The following RAB27B variants were observed in gnomAD, a reference collection of about 807,000 sequenced individuals.
RAB27B encodes the protein ras-related protein Rab-27B.
Under a neutral mutation model 24.6 loss-of-function variants are expected in RAB27B, and 15 were observed. The ratio of observed to expected loss-of-function variants is 0.61; its 90% CI spans 0.41 to 0.94. The LOEUF is 0.94. Ranked by LOEUF, RAB27B falls within the 40% of genes least tolerant of loss-of-function variation. The probability of loss-of-function intolerance (pLI) is 0.00; values close to 1 mark genes in which losing one functional copy is unlikely to be tolerated. For missense variants in RAB27B, 261 were observed against 266.8 expected (o/e 0.98, Z 0.15); for synonymous variants, 105 against 92.5 (o/e 1.14, Z -0.78).
At position 54,895,185 on chromosome 18, in the gene RAB27B, A is replaced by G. The variant is rs1913521549; in HGVS notation, c.*5772A>G. 1 of 152,118 alleles carries G rather than the reference A, an allele frequency of 6.6e-6. No homozygotes were observed. The highest frequency in any genetic ancestry group is 6.6e-5 in the Admixed American group (1 of 15,248). 9.4% of individuals were successfully genotyped at this position (152,118 alleles called of 1,614,324 possible). ...CACTGAAGTGCTTCATTGTATCCCA[A>G]CAGTTTACCTTCAAGTAATATTATC... On this transcript the variant is annotated 3_prime_UTR_variant, in exon 6 of 6. Transcript: ENST00000262094.
At chr18:54,746,322 G>C (rs1461556861) in intron 2 of RAB27B, among the ~76,000 whole-genome samples, 1 of 152,122 alleles carries the variant, frequency 6.6e-6, no homozygotes, top group Non-Finnish European at 1.5e-5. Context: ...GTTGACTTTG[G>C]TTTCTGGACG....
Position 54,892,736 on chromosome 18 carries a change from C to T in RAB27B, c.*3323C>T, listed in dbSNP as rs1046820699. The T allele has an allele frequency of 6.6e-5, 10 of 152,024 alleles. No individual in the cohort carries two copies. Among genetic ancestry groups the T allele is most frequent in the African/African-American group, 2.2e-4 (9 of 41,408 alleles). 9.4% of individuals were successfully genotyped at this position (152,024 alleles called of 1,614,324 possible). On this transcript the variant is annotated 3_prime_UTR_variant, in exon 6 of 6. Coordinates refer to ENST00000262094, the MANE Select transcript of RAB27B (RefSeq NM_004163.4). ...CAATTTGCTATCATTTTCGTATTAT[C>T]AGCTATCGCCCTGTAAAATATTCAA...
At position 54,805,822 on chromosome 18, in the gene RAB27B, A is replaced by T. The variant is rs892952329; in HGVS notation, c.-19-71745A>T. 2.0e-5 allele frequency among the ~76,000 whole-genome samples: 3 copies of T among 152,362 alleles called. No individual in the cohort carries two copies. The South Asian group carries it at 6.2e-4, about 32-fold the overall frequency. ...ATCAGGTTTCAGAAGATTGGATCTT[A>T]TATAGAGTAATAAAAATGCCTCAGA... On this transcript the variant is annotated intron_variant, in intron 2 of 4. Transcript: ENST00000586570.
Position 54,842,773 on chromosome 18 carries a change from T to C in RAB27B, c.-20+14073T>C, listed in dbSNP as rs370917208. On this transcript the variant is annotated intron_variant, in intron 1 of 5. Transcript: ENST00000262094. ...TCCACTAGTTTCAGACAAAAGTATTTGTTGCAAGTTTCTTGAATTTATGCA... is the reference window on the plus strand; with the variant it reads ...TCCACTAGTTTCAGACAAAAGTATTCGTTGCAAGTTTCTTGAATTTATGCA... 1.4e-4 allele frequency among the ~76,000 whole-genome samples: 21 copies of C among 152,302 alleles called. No individual in the cohort carries two copies. The East Asian group carries it at 4.0e-3, about 29-fold the overall frequency.
At chr18:54,804,800 T>C (rs1249534706) in intron 2 of RAB27B, among the ~76,000 whole-genome samples, 1 of 152,022 alleles carries the variant, frequency 6.6e-6, no homozygotes, top group African/African-American at 2.4e-5. Flanking sequence ...AGTTTCTTTC[T>C]GCTGTGGTCA....
intron 2 of RAB27B, among the ~76,000 whole-genome samples, chr18:54,766,698 G>A (rs771246226): frequency 6.6e-6 from 1 of 152,128 alleles, no homozygotes; most frequent in African/African-American, 2.4e-5. Context: ...AATCTATGGT[G>A]AGGAACTCCT....
At chr18:54,774,416 C>A (rs1409360629) in intron 2 of RAB27B, among the ~76,000 whole-genome samples, 1 of 152,120 alleles carries the variant, frequency 6.6e-6, no homozygotes, top group Non-Finnish European at 1.5e-5. Context: ...AAAACAGAAG[C>A]TCATAGAGAT....
chr18:54,755,727 A>G (rs1008246516), intron 2 of RAB27B, among the ~76,000 whole-genome samples: 7 of 152,250 alleles, frequency 4.6e-5, no homozygotes, highest in Non-Finnish European at 8.8e-5. Flanking sequence ...ATTAACATTT[A>G]GTTTGAATTC....
chr18:54,729,766 A>G (rs548945613), intron 2 of RAB27B, among the ~76,000 whole-genome samples: 3 of 152,322 alleles, frequency 2.0e-5, no homozygotes, highest in East Asian at 1.9e-4. Flanking sequence ...AGAACATGAT[A>G]CTATAAGTGA....
chr18:54,877,773 C>A, intron 2 of RAB27B, 35 bp downstream of exon 2: 1 of 1,533,818 alleles, frequency 6.5e-7, no homozygotes, highest in Non-Finnish European at 8.7e-7. Flanking sequence ...CCTTGTCACT[C>A]ATCCCCCTAT....
chr18:54,848,395 A>G (rs1911423165), intron 1 of RAB27B, among the ~76,000 whole-genome samples: 1 of 152,192 alleles, frequency 6.6e-6, no homozygotes, highest in Admixed American at 6.5e-5. Flanking sequence ...ATTAAATAGG[A>G]AAAATCATGG....
chr18:54,824,515 A>G (rs1910411199), upstream of RAB27B, among the ~76,000 whole-genome samples: 1 of 152,152 alleles, frequency 6.6e-6, no homozygotes, highest in South Asian at 2.1e-4. Context: ...AGGGGCTTTC[A>G]TGTCTTCTAG....
intron 1 of RAB27B, among the ~76,000 whole-genome samples, chr18:54,856,318 TCAAGGAATATAA>T (rs1173782619): frequency 1.3e-5 from 2 of 152,156 alleles, no homozygotes; most frequent in African/African-American, 2.4e-5. Flanking sequence ...CTTGGTTCCT[TCAAGGAATATAA>T]CAAAGAGGGC....
At chr18:54,805,530 C>T (rs1052563267) in intron 2 of RAB27B, among the ~76,000 whole-genome samples, 2 of 152,126 alleles carry the variant, frequency 1.3e-5, no homozygotes, top group Admixed American at 6.6e-5. Context: ...GTAATTTTCT[C>T]TATATACTTA....
chr18:54,845,182 G>A (rs1316973708), intron 1 of RAB27B, among the ~76,000 whole-genome samples: 2 of 152,050 alleles, frequency 1.3e-5, no homozygotes, highest in African/African-American at 4.8e-5. Flanking sequence ...CGAGGTGGGA[G>A]GATCATCTGA....
chr18:54,834,035 C>G (rs1450883245), intron 1 of RAB27B, among the ~76,000 whole-genome samples: 1 of 152,168 alleles, frequency 6.6e-6, no homozygotes, highest in Non-Finnish European at 1.5e-5. Context: ...CCCTCAAGCT[C>G]TCATCCAAAG....
At chr18:54,775,614 A>T (rs994394516) in intron 2 of RAB27B, among the ~76,000 whole-genome samples, 1 of 152,220 alleles carries the variant, frequency 6.6e-6, no homozygotes, top group African/African-American at 2.4e-5. Context: ...TGAATCTGAC[A>T]TATGATGTTT....
chr18:54,869,485 G>A (rs1912379241), intron 1 of RAB27B, among the ~76,000 whole-genome samples: 1 of 152,140 alleles, frequency 6.6e-6, no homozygotes, highest in Admixed American at 6.5e-5. Flanking sequence ...AGATTTTCAA[G>A]GTTCACTAGA....
chr18:54,735,876 G>C (rs1598866949), intron 2 of RAB27B, among the ~76,000 whole-genome samples: 1 of 152,108 alleles, frequency 6.6e-6, no homozygotes, highest in Non-Finnish European at 1.5e-5. Flanking sequence ...GGTAGTAAAT[G>C]CCTGTTGCAT....
Sources: allele counts gnomAD v4.1 joint callset (sites outside exome capture counted in the v4.1 genomes callset), GRCh38; gene constraint gnomAD v4.1.1; transcripts MANE v1.5; gene names NCBI Gene and HGNC (gene_info 2026-07-23, HGNC 2026-07-21).